Variants in CELF2 observed in about 807,000 individuals in gnomAD.
CELF2 encodes CUG triplet repeat RNA-binding protein 2.
In CELF2, 8 loss-of-function variants were observed where a neutral mutation model predicts 62.6. The observed-to-expected ratio is 0.13, with a 90% CI of 0.07 to 0.23. The LOEUF (loss-of-function observed/expected upper bound fraction) is 0.23, where lower values mean the gene tolerates loss of function less well. Ranked by LOEUF, CELF2 falls within the 10% of genes least tolerant of loss-of-function variation. The probability of loss-of-function intolerance (pLI) is 1.00; values close to 1 mark genes in which losing one functional copy is unlikely to be tolerated. For missense variants in CELF2, 333 were observed against 671.0 expected (o/e 0.50, Z 5.56); for synonymous variants, 258 against 250.0 (o/e 1.03, Z -0.30).
At chr10:10,892,798 A>AT (rs2062244436) in intron 1 of CELF2, among the ~76,000 whole-genome samples, 1 of 152,180 alleles carries the variant, frequency 6.6e-6, no homozygotes, top group African/African-American at 2.4e-5. Flanking sequence ...GGAGGAAGGC[A>AT]TTGGGTATTG....
At chr10:10,488,063 C>A in the CELF2 span, among the ~76,000 whole-genome samples, 3 of 151,902 alleles carry the variant, frequency 2.0e-5, no homozygotes, top group African/African-American at 7.3e-5. Context: ...AACAAAAGTC[C>A]CCAAAGTGAA....
At chr10:10,725,414 GAC>G in the CELF2 span, among the ~76,000 whole-genome samples, 9 of 152,230 alleles carry the variant, frequency 5.9e-5, no homozygotes, top group Non-Finnish European at 1.3e-4. Flanking sequence ...ACGGGATTGT[GAC>G]GGGTGAAGAA....
chr10:11,333,479 T>C lies in CELF2; in HGVS notation c.*4426T>C, dbSNP rs1026003634. On this transcript the variant is annotated 3_prime_UTR_variant, in exon 13 of 13. Transcript: ENST00000633077. ...CATCTTTCTTTCACCATAGGGGTTA[T>C]AGTTGGCTTGTGCTACTCTGGAATC... The C allele has an allele frequency of 1.3e-5, 2 of 152,546 alleles. No individual in the cohort carries two copies. The highest frequency in any genetic ancestry group is 4.8e-5 in the African/African-American group (2 of 41,452). The allele number at this position is 152,546 out of a possible 1,614,324, so 9.4% of individuals were successfully genotyped here.
chr10:10,500,526 C>G, the CELF2 span, among the ~76,000 whole-genome samples: 1 of 152,192 alleles, frequency 6.6e-6, no homozygotes, highest in South Asian at 2.1e-4. Context: ...CACAAATTCT[C>G]TCTTGCCTGC....
the CELF2 span, among the ~76,000 whole-genome samples, chr10:10,592,653 C>G: frequency 6.6e-6 from 1 of 152,182 alleles, no homozygotes; most frequent in Non-Finnish European, 1.5e-5. Context: ...CTAATATCTA[C>G]TGATTTGGGG....
Position 11,306,288 on chromosome 10 carries a change from T to C in CELF2, c.977-7851T>C, listed in dbSNP as rs2094203294. On this transcript the variant is annotated intron_variant, in intron 9 of 12. Transcript: ENST00000633077. This position sits in a 1 kb window ranked among gnomAD's most constrained non-coding sequence, Gnocchi z 4.4. ...TCTCCTGAGATGCTCCTTTGGCATTTTGTAAAACTTTTAAGTGAGAAAGCG... is the reference window on the plus strand; with the variant it reads ...TCTCCTGAGATGCTCCTTTGGCATTCTGTAAAACTTTTAAGTGAGAAAGCG... Among the ~76,000 whole-genome samples, 1 of 151,988 alleles carries C rather than the reference T, an allele frequency of 6.6e-6. No homozygotes were observed. The highest frequency in any genetic ancestry group is 1.5e-5 in the Non-Finnish European group (1 of 68,000).
At chr10:11,194,212 C>G (rs1379406896) in intron 2 of CELF2, among the ~76,000 whole-genome samples, 2 of 152,146 alleles carry the variant, frequency 1.3e-5, no homozygotes, top group African/African-American at 4.8e-5. Context: ...ACTACAGGCA[C>G]ACGCCACCAC....
the CELF2 span, among the ~76,000 whole-genome samples, chr10:10,598,735 C>CTTTCTTTTTTTTTTTTTTT: frequency 1.3e-5 from 1 of 78,926 alleles, no homozygotes; most frequent in African/African-American, 4.1e-5. Flanking sequence ...TTTTCTTTTT[C>CTTTCTTTTTTTTTTTTTTT]TTTTTCTTTT....
chr10:11,097,440 T>G (rs939824566), intron 1 of CELF2: 5 of 152,212 alleles, frequency 3.3e-5, no homozygotes, highest in African/African-American at 1.2e-4. Context: ...AGAAGAGATA[T>G]GCATGAGAGA....
chr10:10,623,370 T>C, the CELF2 span, among the ~76,000 whole-genome samples: 5,277 of 152,306 alleles, frequency 0.035, 202 homozygotes, highest in African/African-American at 0.098. Flanking sequence ...AGAATTATCA[T>C]TTAATTTACT....
At chr10:10,513,258 C>G in the CELF2 span, among the ~76,000 whole-genome samples, 1 of 152,082 alleles carries the variant, frequency 6.6e-6, no homozygotes. Context: ...TCGTATCACT[C>G]TATCAAATCT....
chr10:10,862,060 T>C (rs191357651), intron 1 of CELF2, among the ~76,000 whole-genome samples: 1 of 152,292 alleles, frequency 6.6e-6, no homozygotes, highest in East Asian at 1.9e-4. Flanking sequence ...CTGTTATCTG[T>C]GAAAGTAAAC....
At chr10:11,099,883 AC>A (rs371088043) in intron 1 of CELF2, among the ~76,000 whole-genome samples, 1,109 of 82,040 alleles carry the variant, frequency 0.014, 10 homozygotes, top group African/African-American at 0.074. Flanking sequence ...AACAACAACA[AC>A]AAAAAAAAAA....
rs1168932032 is a variant in CELF2 at position 11,086,578 on chromosome 10, T to TAAAAAAAAAAAAA, written c.74+68435_74+68447dup. ...AATCCATGTCTCCATTTGCATTTGT[T>TAAAAAAAAAAAAA]AAAAAAAAAAAAAAAAAAAAAAAAA... On this transcript the variant is annotated intron_variant, in intron 1 of 12. Coordinates refer to ENST00000633077, the MANE Select transcript of CELF2 (RefSeq NM_001326342.2). 1.0e-3 allele frequency among the ~76,000 whole-genome samples: 74 copies of TAAAAAAAAAAAAA among 71,982 alleles called. 9 individuals carry two copies. Among genetic ancestry groups the TAAAAAAAAAAAAA allele is most frequent in the African/African-American group, 3.7e-3 (68 of 18,238 alleles). 47.2% of individuals were successfully genotyped at this position (71,982 alleles called of 152,430 possible). A position where few individuals can be genotyped will look rare whatever the true frequency, so the allele number is the denominator to read the frequency against.
rs866473568 is a variant in CELF2, at chr10:11,152,174, G to C, written c.75-13312G>C. Among the ~76,000 whole-genome samples, 3 of 152,150 alleles carry C rather than the reference G, an allele frequency of 2.0e-5. No individual in the cohort carries two copies. The South Asian group carries it at 6.2e-4, about 32-fold the overall frequency. On this transcript the variant is annotated intron_variant, in intron 1 of 12. Coordinates refer to ENST00000633077, the MANE Select transcript of CELF2 (RefSeq NM_001326342.2). The stretch of plus-strand genomic sequence containing the variant: ...GACTTGGGCTGTTCCACATGCAGGG[G>C]TGCAGCCAATAGAGTTGCCATGCCC...
At chr10:10,727,060 C>A in the CELF2 span, among the ~76,000 whole-genome samples, 1 of 152,144 alleles carries the variant, frequency 6.6e-6, no homozygotes, top group Non-Finnish European at 1.5e-5. Context: ...TAGGACAGCA[C>A]TAAGGGGATG....
At position 11,261,418 on chromosome 10, in the gene CELF2, C is replaced by CTT. The variant is rs11388167; in HGVS notation, c.538+3559_538+3560dup. 5.7e-3 allele frequency among the ~76,000 whole-genome samples: 834 copies of CTT among 146,070 alleles called. 9 individuals are homozygous for CTT. Among genetic ancestry groups the CTT allele is most frequent in the South Asian group, 0.041 (187 of 4,594 alleles). ...CTATACTTTCAGTCGGAATCACTGC[C>CTT]TTTTTTTTTTTTTTGTAAGTCGTGA... is the stretch of plus-strand genomic sequence containing the variant. On this transcript the variant is annotated intron_variant, in intron 5 of 12. Coordinates refer to ENST00000633077, the MANE Select transcript of CELF2 (RefSeq NM_001326342.2).
At chr10:10,750,106 A>G in the CELF2 span, among the ~76,000 whole-genome samples, 1 of 152,218 alleles carries the variant, frequency 6.6e-6, no homozygotes, top group Non-Finnish European at 1.5e-5. Flanking sequence ...ACATGGTGAA[A>G]CCTCATCTCT....
At chr10:10,758,698 A>G in the CELF2 span, among the ~76,000 whole-genome samples, 1 of 152,246 alleles carries the variant, frequency 6.6e-6, no homozygotes, top group Non-Finnish European at 1.5e-5. Flanking sequence ...TAATGGAAAA[A>G]TATGGTTCAG....
Sources: allele counts gnomAD v4.1 joint callset (sites outside exome capture counted in the v4.1 genomes callset), GRCh38; gene constraint gnomAD v4.1.1; non-coding constraint Gnocchi (gnomAD v3.1); transcripts MANE v1.5; gene names NCBI Gene and HGNC (gene_info 2026-07-23, HGNC 2026-07-21).